Variants in SPATA18 observed in about 807,000 individuals in gnomAD.
The protein encoded by SPATA18 is mitochondria-eating protein.
SPATA18 carries 54 observed loss-of-function variants against 68.1 expected under a neutral mutation model. The observed-to-expected ratio is 0.79, with a 90% confidence interval of 0.64 to 0.99. SPATA18 has a LOEUF of 0.99. Ranked by LOEUF, SPATA18 falls within the 50% of genes least tolerant of loss-of-function variation. SPATA18 has a pLI of 0.00. For synonymous variants in SPATA18, 242 were observed against 244.8 expected (o/e 0.99, Z 0.11); for missense variants, 724 against 681.1 (o/e 1.06, Z -0.70).
At position 52,094,522 on chromosome 4, in the gene SPATA18, T is replaced by C. The variant is rs370922185; in HGVS notation, c.1564-5T>C. 13 of 1,612,674 alleles carry C rather than the reference T, an allele frequency of 8.1e-6. No homozygotes were observed. The highest frequency in any genetic ancestry group is 1.1e-5 in the Non-Finnish European group (13 of 1,179,048). On this transcript the variant is annotated splice_polypyrimidine_tract_variant and splice_region_variant and intron_variant, in intron 11 of 12. Transcript: ENST00000295213. ...TAATTCACATTATTCTTTTATATTT[T>C]CCAGATGTCTCGAAGTCGGAGTCCT...
At chr4:52,083,387 G>T (rs1023286734) in intron 10 of SPATA18, 1 of 985,328 alleles carries the variant, frequency 1.0e-6, no homozygotes, top group South Asian at 4.7e-5. Flanking sequence ...AAGAACTGAA[G>T]AAAAGGGTTT....
chr4:52,055,082 A>G (rs934369385), intron 1 of SPATA18, among the ~76,000 whole-genome samples: 2 of 152,164 alleles, frequency 1.3e-5, no homozygotes, highest in African/African-American at 4.8e-5. Context: ...TGCAGCAATC[A>G]TGGTAGCCAA....
intron 11 of SPATA18, among the ~76,000 whole-genome samples, chr4:52,093,855 TTCTG>T (rs1438597145): frequency 6.6e-6 from 1 of 152,204 alleles, no homozygotes; most frequent in Admixed American, 6.5e-5. Flanking sequence ...GCAGTCAACT[TTCTG>T]TCTGTTTCCA....
chr4:52,053,531 A>G (rs941548038), intron 1 of SPATA18, among the ~76,000 whole-genome samples: 1 of 152,192 alleles, frequency 6.6e-6, no homozygotes, highest in Non-Finnish European at 1.5e-5. Flanking sequence ...ATGTGTTCCC[A>G]TCTGAGCTCT....
At chr4:52,068,208 T>A (rs946295063) in intron 4 of SPATA18, among the ~76,000 whole-genome samples, 2 of 152,358 alleles carry the variant, frequency 1.3e-5, no homozygotes, top group South Asian at 4.1e-4. Context: ...TTTTAAGAAC[T>A]TGTTACATCT....
chr4:52,091,530 TCTGCTGTCAGC>T (rs1337859086), intron 11 of SPATA18, among the ~76,000 whole-genome samples: 1 of 152,212 alleles, frequency 6.6e-6, no homozygotes, highest in Non-Finnish European at 1.5e-5. Flanking sequence ...GTCAGGCCCC[TCTGCTGTCAGC>T]CTGCTGGAGT....
At chr4:52,069,069 A>G (rs983006951) in intron 4 of SPATA18, among the ~76,000 whole-genome samples, 7 of 152,156 alleles carry the variant, frequency 4.6e-5, no homozygotes, top group Admixed American at 6.5e-5. Flanking sequence ...GGGTCTCACT[A>G]TGTTGCACAG....
chr4:52,091,495 C>A (rs1198673953), intron 11 of SPATA18, among the ~76,000 whole-genome samples: 1 of 152,076 alleles, frequency 6.6e-6, no homozygotes, highest in South Asian at 2.1e-4. Context: ...CTAATCCTTT[C>A]TGTTTGTTTC....
At position 52,069,824 on chromosome 4, in the gene SPATA18, G is replaced by C; in HGVS notation, c.426G>C (p.Leu142=). The C allele has an allele frequency of 6.4e-7, 1 of 1,571,194 alleles. No individual in the cohort carries two copies. Among genetic ancestry groups the C allele is most frequent in the Middle Eastern group, 1.8e-4 (1 of 5,554 alleles). ...TAGTTACTGATTTATCTTACAGTCT[G>C]GTTGAAACTGAAAAGAATCTTGAAG... ...RSQCNQVQDD[L]VETEKNLEES... The change falls in exon 5 of 13, where the codon CTG becomes CTC. Residue 142 remains leucine (L), a synonymous_variant. Coordinates refer to ENST00000295213, the MANE Select transcript of SPATA18 (RefSeq NM_145263.4).
intron 2 of SPATA18, 54 bp downstream of exon 2, chr4:52,060,578 T>G (rs929855665): frequency 1.6e-5 from 24 of 1,546,368 alleles, no homozygotes; most frequent in Non-Finnish European, 2.0e-5. Flanking sequence ...CTCTCTTTTC[T>G]TGGTGCTTTT....
chr4:52,094,675 A>G lies in SPATA18; in HGVS notation c.1609+103A>G. 4 of 1,361,530 alleles carry G rather than the reference A, an allele frequency of 2.9e-6. No individual in the cohort carries two copies. In the Admixed American group the frequency reaches 5.3e-5, roughly 18 times the overall value. 84.3% of individuals were successfully genotyped at this position (1,361,530 alleles called of 1,614,324 possible). On this transcript the variant is annotated intron_variant, in intron 12 of 12. Coordinates refer to ENST00000295213, the MANE Select transcript of SPATA18 (RefSeq NM_145263.4). ...ATGAATGCTTTGCTTCCTAGAGAGC[A>G]TCTTTTTCTTACTCCTCACACCTTT...
At chr4:52,091,021 CTCTT>C (rs1054571421) in intron 11 of SPATA18, among the ~76,000 whole-genome samples, 10 of 151,832 alleles carry the variant, frequency 6.6e-5, no homozygotes, top group Admixed American at 5.2e-4. Flanking sequence ...CTTGTCTTCT[CTCTT>C]TATTTCATTA....
At chr4:52,076,387 A>AC (rs1740343491) in intron 6 of SPATA18, among the ~76,000 whole-genome samples, 1 of 152,238 alleles carries the variant, frequency 6.6e-6, no homozygotes, top group African/African-American at 2.4e-5. Context: ...AAAGACCAGA[A>AC]CATATCCTTT....
chr4:52,068,807 C>G (rs1269177541), intron 4 of SPATA18, among the ~76,000 whole-genome samples: 1 of 152,170 alleles, frequency 6.6e-6, no homozygotes, highest in East Asian at 1.9e-4. Flanking sequence ...TCAAGTCTCA[C>G]TGTTCTGGGG....
In SPATA18 at chr4:52,060,399, C is replaced by A. The variant is rs747225021; in HGVS notation, c.88-20C>A. 19 of 1,605,436 alleles carry A rather than the reference C, an allele frequency of 1.2e-5. No individual in the cohort carries two copies. The highest frequency in any genetic ancestry group is 1.5e-5 in the Non-Finnish European group (18 of 1,172,706). On this transcript the variant is annotated intron_variant, in intron 1 of 12. Transcript: ENST00000295213. ...AGAGTGAAGTAATTACCCTGGTTAT[C>A]TACTGTTTTGCCCTTGCAGACAAAC...
At chr4:52,077,252 A>C (rs796921320) in intron 7 of SPATA18, among the ~76,000 whole-genome samples, 88 of 87,866 alleles carry the variant, frequency 1.0e-3, no homozygotes, top group East Asian at 4.3e-3. Context: ...TGTTCCCTCC[A>C]TCCCTCCCTC....
Position 52,062,318 on chromosome 4 carries a change from C to T in SPATA18, c.408C>T (p.Asn136=). 1 of 1,606,082 alleles carries T rather than the reference C, an allele frequency of 6.2e-7. No homozygotes were observed. The highest frequency in any genetic ancestry group is 8.5e-7 in the Non-Finnish European group (1 of 1,174,994). The change falls in exon 4 of 13, where the codon AAC becomes AAT. Residue 136 remains asparagine, a synonymous_variant. Transcript: ENST00000295213. The part of the protein sequence containing the change: ...SNLNSTRSQC[N]QVQDDLVETE... ...TGAACTCAACCCGGAGTCAATGCAA[C>T]CAGGTTCAAGACGAGTAAGAGGAAT...
chr4:52,082,372 G>T lies in SPATA18; in HGVS notation c.1356-15G>T. On this transcript the variant is annotated splice_polypyrimidine_tract_variant and intron_variant, in intron 9 of 12. Transcript: ENST00000295213. ...TTGCTTAACTTCTCTTTCTTTTTTT[G>T]TATATTGAAAACAGATACCGCCGCA... The T allele has an allele frequency of 6.2e-7, 1 of 1,606,260 alleles. No individual in the cohort carries two copies. The highest frequency in any genetic ancestry group is 8.5e-7 in the Non-Finnish European group (1 of 1,176,130).
chr4:52,070,880 TGG>T (rs34959256), intron 5 of SPATA18, among the ~76,000 whole-genome samples: 46,291 of 143,822 alleles, frequency 0.32, 8,181 homozygotes, highest in East Asian at 0.69. Context: ...AAAGAGTAAG[TGG>T]GGGGGGGGGT....
Sources: allele counts gnomAD v4.1 joint callset (sites outside exome capture counted in the v4.1 genomes callset), GRCh38; gene constraint gnomAD v4.1.1; transcripts MANE v1.5; gene names NCBI Gene and HGNC (gene_info 2026-07-23, HGNC 2026-07-21).